The following CSMD1 variants were observed in gnomAD, a reference collection of about 807,000 sequenced individuals.
CSMD1 encodes CUB and Sushi multiple domains 1.
CSMD1 carries 213 observed loss-of-function variants against 417.5 expected under a neutral mutation model. The ratio of observed to expected loss-of-function variants is 0.51; its 90% confidence interval spans 0.46 to 0.57. The LOEUF is 0.57. CSMD1 is among the 20% of genes least tolerant of loss of function. The pLI, the probability that CSMD1 is intolerant of heterozygous loss-of-function variation, is 0.00. For missense variants in CSMD1, 6,923 were observed against 4,529.7 expected (o/e 1.53, Z -15.17); for synonymous variants, 2,862 against 1,736.8 (o/e 1.65, Z -16.11).
intron 20 of CSMD1, among the ~76,000 whole-genome samples, chr8:3,366,610 G>A (rs1157333209): frequency 6.6e-6 from 1 of 152,004 alleles, no homozygotes; most frequent in Non-Finnish European, 1.5e-5. Flanking sequence ...CATCCTAGAG[G>A]TGGTTGTCAA....
intron 10 of CSMD1, among the ~76,000 whole-genome samples, chr8:3,503,290 G>A (rs1245165746): frequency 6.6e-6 from 1 of 152,190 alleles, no homozygotes; most frequent in Non-Finnish European, 1.5e-5. Flanking sequence ...AACACTAGGA[G>A]TCTCTTATAA....
intron 7 of CSMD1, among the ~76,000 whole-genome samples, chr8:3,653,397 C>T (rs757379707): frequency 1.3e-5 from 2 of 152,092 alleles, no homozygotes; most frequent in East Asian, 1.9e-4. Context: ...CAACCTCCGC[C>T]TCCTGGATTC....
chr8:4,605,271 G>GA (rs897260427), intron 2 of CSMD1, among the ~76,000 whole-genome samples: 1 of 148,746 alleles, frequency 6.7e-6, no homozygotes, highest in Admixed American at 6.6e-5. Flanking sequence ...TTACCTTTAA[G>GA]AAAAAAAGAA....
At chr8:4,982,584 C>G (rs540695997) in intron 1 of CSMD1, among the ~76,000 whole-genome samples, 5 of 152,286 alleles carry the variant, frequency 3.3e-5, no homozygotes, top group African/African-American at 1.2e-4. Flanking sequence ...CTTTCTTTCT[C>G]ATAGGTTCTA....
intron 11 of CSMD1, among the ~76,000 whole-genome samples, chr8:3,486,788 GC>G (rs1205353227): frequency 1.3e-5 from 2 of 152,182 alleles, no homozygotes; most frequent in African/African-American, 2.4e-5. Context: ...TTCCCAGATA[GC>G]TCCACTGCAG....
intron 12 of CSMD1, among the ~76,000 whole-genome samples, chr8:3,414,495 C>T (rs1292608750): frequency 6.6e-6 from 1 of 152,130 alleles, no homozygotes; most frequent in Non-Finnish European, 1.5e-5. Flanking sequence ...CATTTGCCAT[C>T]ATTGACGCTC....
intron 30 of CSMD1, among the ~76,000 whole-genome samples, chr8:3,212,020 C>G (rs546773151): frequency 6.6e-6 from 1 of 152,270 alleles, no homozygotes; most frequent in East Asian, 1.9e-4. Context: ...GTGACACCCA[C>G]TTCTTCGTTT....
intron 3 of CSMD1, among the ~76,000 whole-genome samples, chr8:4,319,670 A>G (rs1381860174): frequency 6.6e-6 from 1 of 152,124 alleles, no homozygotes; most frequent in Non-Finnish European, 1.5e-5. Context: ...AGGCCAGGGA[A>G]CAGAGAAGGG....
At chr8:4,194,667 A>C (rs548296137) in intron 3 of CSMD1, among the ~76,000 whole-genome samples, 3 of 152,182 alleles carry the variant, frequency 2.0e-5, no homozygotes, top group Admixed American at 2.0e-4. Flanking sequence ...ACATTTAATA[A>C]AATGGGGAAA....
At chr8:4,074,011 G>C (rs1360047174) in intron 3 of CSMD1, among the ~76,000 whole-genome samples, 1 of 152,082 alleles carries the variant, frequency 6.6e-6, no homozygotes, top group African/African-American at 2.4e-5. Flanking sequence ...TGACTTCAAA[G>C]AAAAATGCAT....
At chr8:4,413,246 G>A (rs143954667) in intron 3 of CSMD1, among the ~76,000 whole-genome samples, 1 of 152,146 alleles carries the variant, frequency 6.6e-6, no homozygotes, top group Non-Finnish European at 1.5e-5. Flanking sequence ...CTGTGAGCTG[G>A]CTAAGCTTTC....
intron 1 of CSMD1, among the ~76,000 whole-genome samples, chr8:4,907,809 T>C (rs1805402012): frequency 6.6e-6 from 1 of 151,878 alleles, no homozygotes; most frequent in Admixed American, 6.6e-5. Context: ...CAAGCAATCC[T>C]CTTTCCTCAG....
At chr8:4,539,936 AC>A (rs1797296202) in intron 2 of CSMD1, among the ~76,000 whole-genome samples, 1 of 151,750 alleles carries the variant, frequency 6.6e-6, no homozygotes, top group Non-Finnish European at 1.5e-5. Flanking sequence ...CTTCCCATCT[AC>A]CCCAGCCCAA....
intron 2 of CSMD1, among the ~76,000 whole-genome samples, chr8:4,585,651 A>T (rs1176655387): frequency 1.3e-5 from 2 of 152,208 alleles, no homozygotes; most frequent in Non-Finnish European, 2.9e-5. Flanking sequence ...AGCAACAATA[A>T]AAGTTACAGA....
At chr8:3,090,045 G>A (rs551100428) in intron 48 of CSMD1, among the ~76,000 whole-genome samples, 19 of 151,992 alleles carry the variant, frequency 1.3e-4, no homozygotes, top group Non-Finnish European at 1.9e-4. Flanking sequence ...CGGGCGCGGT[G>A]GCTTAACGCC....
At position 4,344,272 on chromosome 8, in the gene CSMD1, T is replaced by C. The variant is rs80100036; in HGVS notation, c.415+75681A>G. On this transcript the variant is annotated intron_variant, in intron 3 of 69. Coordinates refer to ENST00000635120, the MANE Select transcript of CSMD1 (RefSeq NM_033225.6). ...TCATCTTTACACGTGTTCATTCAAT[T>C]GTTCATTCTGTCATGTGTCTAGTTT... is the stretch of plus-strand genomic sequence containing the variant. Among the ~76,000 whole-genome samples the C allele has an allele frequency of 2.8e-3, 423 of 152,266 alleles. 2 individuals carry two copies. Among genetic ancestry groups the C allele is most frequent in the African/African-American group, 9.5e-3 (393 of 41,554 alleles).
At chr8:4,450,736 T>G (rs78732655) in intron 2 of CSMD1, among the ~76,000 whole-genome samples, 1 of 152,106 alleles carries the variant, frequency 6.6e-6, no homozygotes, top group Non-Finnish European at 1.5e-5. Context: ...TTTAACAGAA[T>G]AGCAACAAAA....
intron 51 of CSMD1, 125 bp from the exon 52 acceptor site, chr8:3,018,775 G>A: frequency 2.4e-6 from 2 of 843,766 alleles, no homozygotes; most frequent in Admixed American, 5.5e-5. Flanking sequence ...TTTTCACTAA[G>A]AACATGGTTG....
chr8:3,715,006 T>C (rs933223151), intron 6 of CSMD1, among the ~76,000 whole-genome samples: 5 of 152,168 alleles, frequency 3.3e-5, no homozygotes, highest in African/African-American at 4.8e-5. Context: ...GAATTTAGAA[T>C]TGCTTTCAAA....
Sources: allele counts gnomAD v4.1 joint callset (sites outside exome capture counted in the v4.1 genomes callset), GRCh38; gene constraint gnomAD v4.1.1; transcripts MANE v1.5; gene names NCBI Gene and HGNC (gene_info 2026-07-23, HGNC 2026-07-21).